Variants in NRXN1 observed in about 807,000 individuals in gnomAD.
The protein encoded by NRXN1 is neurexin 1, also known as neurexin-1.
NRXN1 carries 39 observed loss-of-function variants against 150.9 expected under a neutral mutation model. The ratio of observed to expected loss-of-function variants is 0.26; its 90% confidence interval spans 0.20 to 0.34. The LOEUF is 0.34. Among genes scored for constraint, NRXN1 ranks in the 10% least tolerant of loss-of-function variants. The pLI, the probability that NRXN1 is intolerant of heterozygous loss-of-function variation, is 1.00. For synonymous variants in NRXN1, 924 were observed against 757.0 expected (o/e 1.22, Z -3.62); for missense variants, 1,815 against 1,949.9 (o/e 0.93, Z 1.30).
chr2:50,713,955 C>T (rs375772597), intron 5 of NRXN1, among the ~76,000 whole-genome samples: 1 of 152,028 alleles, frequency 6.6e-6, no homozygotes, highest in African/African-American at 2.4e-5. Context: ...TAAATTATAC[C>T]ATCACATCCT....
At chr2:50,156,373 T>C (rs1287984821) in intron 18 of NRXN1, among the ~76,000 whole-genome samples, 2 of 151,902 alleles carry the variant, frequency 1.3e-5, no homozygotes, top group Non-Finnish European at 2.9e-5. Flanking sequence ...GCCTGTGTTT[T>C]AGGTTAGGTT....
intron 17 of NRXN1, among the ~76,000 whole-genome samples, chr2:50,322,692 T>C (rs990166880): frequency 1.1e-4 from 17 of 152,346 alleles, no homozygotes; most frequent in African/African-American, 3.8e-4. Flanking sequence ...CCATTAGTTA[T>C]ATTTGAAGTA....
chr2:50,722,385 C>T (rs1696785215), intron 5 of NRXN1, among the ~76,000 whole-genome samples: 1 of 152,078 alleles, frequency 6.6e-6, no homozygotes, highest in Non-Finnish European at 1.5e-5. Context: ...TGAAAACAAT[C>T]TAAATCAGCA....
chr2:50,694,657 AC>A (rs1187007530), intron 5 of NRXN1, among the ~76,000 whole-genome samples: 1 of 152,136 alleles, frequency 6.6e-6, no homozygotes, highest in Non-Finnish European at 1.5e-5. Context: ...AGAAAATCAA[AC>A]CAATTCTACC....
At chr2:50,260,190 TCATGGGTACTGGTAGCC>T (rs2068108569) in intron 17 of NRXN1, among the ~76,000 whole-genome samples, 1 of 151,840 alleles carries the variant, frequency 6.6e-6, no homozygotes, top group African/African-American at 2.4e-5. Flanking sequence ...AACATAGTGG[TCATGGGTACTGGTAGCC>T]CATATGATGC....
intron 18 of NRXN1, among the ~76,000 whole-genome samples, chr2:50,178,695 T>C (rs1040392459): frequency 6.6e-6 from 1 of 152,142 alleles, no homozygotes; most frequent in Non-Finnish European, 1.5e-5. Context: ...AGTAGATTTC[T>C]ATAGAGGTAA....
At chr2:50,818,193 T>TTTTG (rs1669211144) in intron 5 of NRXN1, among the ~76,000 whole-genome samples, 2 of 99,440 alleles carry the variant, frequency 2.0e-5, no homozygotes, top group African/African-American at 6.2e-5. Context: ...AAAACAATTG[T>TTTTG]TTTTTTTTTT....
In NRXN1 at chr2:51,027,589, G is replaced by A. The variant is rs751232467; in HGVS notation, c.685C>T (p.Leu229Phe). Residue 229 changes from leucine to phenylalanine, a missense_variant, in exon 2 of 23, where the codon CTC becomes TTC. Leu to Phe is a conservative substitution (Grantham distance 22). Transcript: ENST00000401669. ...ACCACGGAGCACACACCTCCGTTGAGGCACACCCCGCCCTCGCCCTCCTCG... is the reference window on the plus strand; with the variant it reads ...ACCACGGAGCACACACCTCCGTTGAAGCACACCCCGCCCTCGCCCTCCTCG... The part of the protein sequence containing the change: ...AGEEGEGGVC[L>F]NGGVCSVVDD... The A allele has an allele frequency of 6.2e-7, 1 of 1,606,994 alleles. No homozygotes were observed. The highest frequency in any genetic ancestry group is 2.2e-5 in the East Asian group (1 of 44,562).
Position 51,028,395 on chromosome 2 carries a change from G to GATA in NRXN1, c.-123_-122insTAT. Reference sequence around the variant, plus strand: ...AAGGTAAGGGGAAAGGCGGGAGTGAGAGGGATGTGCCCTCCTTTATCTAGT... The same window carrying GATA: ...AAGGTAAGGGGAAAGGCGGGAGTGAGATAAGGGATGTGCCCTCCTTTATCTAGT... On this transcript the variant is annotated 5_prime_UTR_variant, in exon 2 of 23. Coordinates refer to ENST00000401669, the MANE Select transcript of NRXN1 (RefSeq NM_001330078.2). The GATA allele has an allele frequency of 3.4e-6, 2 of 594,418 alleles. No individual in the cohort carries two copies. Among genetic ancestry groups the GATA allele is most frequent in the East Asian group, 6.1e-5 (2 of 32,942 alleles). 36.8% of individuals were successfully genotyped at this position (594,418 alleles called of 1,614,324 possible). A position where few individuals can be genotyped will look rare whatever the true frequency, so the allele number is the denominator to read the frequency against.
Position 50,581,071 on chromosome 2 carries a change from T to C in NRXN1, c.1321-28046A>G, listed in dbSNP as rs147410250. Among the ~76,000 whole-genome samples the C allele has an allele frequency of 5.3e-5, 8 of 152,268 alleles. No homozygotes were observed. The East Asian group carries it at 1.5e-3, about 29-fold the overall frequency. ...ATCAACAGAATTATGAGTTTTGGAT[T>C]TGACATTCAGCATTCTCATTTACAT... is the stretch of plus-strand genomic sequence containing the variant. On this transcript the variant is annotated intron_variant, in intron 8 of 22. Coordinates refer to ENST00000401669, the MANE Select transcript of NRXN1 (RefSeq NM_001330078.2).
Position 50,177,520 on chromosome 2 carries a change from T to C in NRXN1, c.3546+59269A>G, listed in dbSNP as rs935122384. Among the ~76,000 whole-genome samples, 8 of 151,896 alleles carry C rather than the reference T, an allele frequency of 5.3e-5. 1 individual carries two copies. In the South Asian group the frequency reaches 1.7e-3, roughly 31 times the overall value. Reference sequence around the variant, plus strand: ...TACTTTTATATAAATATAGTAAATATATCTTTTACTTTGGGATGTAAACAG... The same window carrying C: ...TACTTTTATATAAATATAGTAAATACATCTTTTACTTTGGGATGTAAACAG... On this transcript the variant is annotated intron_variant, in intron 18 of 22. Coordinates refer to ENST00000401669, the MANE Select transcript of NRXN1 (RefSeq NM_001330078.2).
intron 5 of NRXN1, among the ~76,000 whole-genome samples, chr2:50,640,061 T>C (rs979130424): frequency 1.3e-5 from 2 of 152,086 alleles, no homozygotes; most frequent in African/African-American, 4.8e-5. Flanking sequence ...CAGGCTAAGG[T>C]GATGTGAGAA....
rs1325289551 is a variant in NRXN1 at position 50,240,361 on chromosome 2, C to T, written c.3365-3391G>A. On this transcript the variant is annotated intron_variant, in intron 17 of 22. Transcript: ENST00000401669. Reference sequence around the variant, plus strand: ...CTCATCAGCACAATTTTATAATAAGCGAGACAATTAGATATCCAGTCCTTC... The same window carrying T: ...CTCATCAGCACAATTTTATAATAAGTGAGACAATTAGATATCCAGTCCTTC... Among the ~76,000 whole-genome samples the T allele has an allele frequency of 3.3e-5, 5 of 151,768 alleles. No individual in the cohort carries two copies. In the East Asian group the frequency reaches 5.8e-4, roughly 18 times the overall value.
intron 17 of NRXN1, among the ~76,000 whole-genome samples, chr2:50,337,791 A>T (rs2077288773): frequency 6.6e-6 from 1 of 152,208 alleles, no homozygotes; most frequent in South Asian, 2.1e-4. Flanking sequence ...ATTAAAATTT[A>T]ATTAATTCTA....
At chr2:50,203,880 A>G (rs1301265985) in intron 18 of NRXN1, among the ~76,000 whole-genome samples, 2 of 152,128 alleles carry the variant, frequency 1.3e-5, no homozygotes, top group African/African-American at 4.8e-5. Context: ...TTAAGCAGTG[A>G]CTGGGTGAGT....
chr2:50,418,549 C>T (rs568186351), intron 17 of NRXN1, among the ~76,000 whole-genome samples: 34 of 152,052 alleles, frequency 2.2e-4, no homozygotes, highest in African/African-American at 8.2e-4. Flanking sequence ...TTCAGAAAGC[C>T]CAGTACATTT....
At chr2:50,525,332 T>C (rs575728455) in intron 12 of NRXN1, among the ~76,000 whole-genome samples, 8 of 152,328 alleles carry the variant, frequency 5.3e-5, no homozygotes, top group South Asian at 2.1e-4. Context: ...ATTCAGATAG[T>C]TTTTTCCTTT....
chr2:50,053,235 A>G (rs1461530557), intron 21 of NRXN1, 36 bp downstream of exon 21: 2 of 1,601,752 alleles, frequency 1.2e-6, no homozygotes, highest in East Asian at 4.5e-5. Context: ...TAAATAATAT[A>G]GGATGAAAAT....
chr2:50,870,043 A>C (rs916038722), intron 5 of NRXN1, among the ~76,000 whole-genome samples: 1 of 151,780 alleles, frequency 6.6e-6, no homozygotes, highest in Non-Finnish European at 1.5e-5. Context: ...TAGGTACTCA[A>C]TAATAATATT....
Sources: allele counts gnomAD v4.1 joint callset (sites outside exome capture counted in the v4.1 genomes callset), GRCh38; gene constraint gnomAD v4.1.1; transcripts MANE v1.5; gene names NCBI Gene and HGNC (gene_info 2026-07-23, HGNC 2026-07-21).